The following SLC15A5 variants were observed in gnomAD, a reference collection of about 807,000 sequenced individuals.
The protein encoded by SLC15A5 is solute carrier family 15 member 5.
A neutral mutation model predicts 56.1 loss-of-function variants in SLC15A5; 58 were observed. The observed-to-expected ratio is 1.03, with a 90% CI of 0.84 to 1.29. The LOEUF (loss-of-function observed/expected upper bound fraction) is 1.29, where lower values mean the gene tolerates loss of function less well. Ranked by LOEUF, SLC15A5 falls within the 50% of genes most tolerant of loss-of-function variation. SLC15A5 has a pLI of 0.00. For synonymous variants in SLC15A5, 264 were observed against 250.5 expected (o/e 1.05, Z -0.51); for missense variants, 681 against 672.1 (o/e 1.01, Z -0.15).
rs1047355266 is a variant in SLC15A5 at position 16,235,238 on chromosome 12, T to C, written c.1162+4443A>G. Among the ~76,000 whole-genome samples the C allele has an allele frequency of 6.8e-6, 1 of 146,532 alleles. No individual in the cohort carries two copies. Among genetic ancestry groups the C allele is most frequent in the African/African-American group, 2.5e-5 (1 of 40,108 alleles). On this transcript the variant is annotated intron_variant, in intron 5 of 8. Coordinates refer to ENST00000344941, the MANE Select transcript of SLC15A5 (RefSeq NM_001170798.1). This position sits in a 1 kb window ranked among gnomAD's most constrained non-coding sequence, Gnocchi z 4.1. ...TACATAATATATACAAAACACGACA[T>C]GTTATAAGTATATATGTGTATATAT...
chr12:16,233,557 A>G (rs932703041), intron 5 of SLC15A5, among the ~76,000 whole-genome samples: 1 of 152,220 alleles, frequency 6.6e-6, no homozygotes, highest in African/African-American at 2.4e-5. Context: ...CATGAGCTGT[A>G]GTGATTGGCT....
intron 3 of SLC15A5, among the ~76,000 whole-genome samples, chr12:16,253,951 T>C (rs964308081): frequency 6.6e-6 from 1 of 152,076 alleles, no homozygotes; most frequent in African/African-American, 2.4e-5. Flanking sequence ...CCATAAGAAT[T>C]CAAAGTGAGA....
rs996654170 is a variant in SLC15A5, at chr12:16,196,395, T to C, written c.1484-1942A>G. On this transcript the variant is annotated intron_variant, in intron 7 of 8. Coordinates refer to ENST00000344941, the MANE Select transcript of SLC15A5 (RefSeq NM_001170798.1). The surrounding 1 kb of genome is among the most constrained non-coding windows in gnomAD (Gnocchi z 4.0). The stretch of plus-strand genomic sequence containing the variant: ...ATGTGTGCTTTTGTGTGTGTGCATG[T>C]GTGTGTGTGTGCCCGTGCATGTGTG... 2.0e-5 allele frequency among the ~76,000 whole-genome samples: 3 copies of C among 151,840 alleles called. No individual in the cohort carries two copies. The highest frequency in any genetic ancestry group is 7.3e-5 in the African/African-American group (3 of 41,350).
intron 7 of SLC15A5, among the ~76,000 whole-genome samples, chr12:16,213,026 CAG>C (rs76765674): frequency 0.025 from 3,709 of 151,304 alleles, 64 homozygotes; most frequent in Admixed American, 0.035. Context: ...TGTTGGCATT[CAG>C]AGAGAGAGAG....
intron 5 of SLC15A5, among the ~76,000 whole-genome samples, chr12:16,231,954 C>G (rs759410396): frequency 6.6e-6 from 1 of 152,220 alleles, no homozygotes; most frequent in Non-Finnish European, 1.5e-5. Context: ...AATAATATGA[C>G]TGGTTCCCTT....
At chr12:16,256,566 TA>T (rs1210132853) in intron 3 of SLC15A5, among the ~76,000 whole-genome samples, 1 of 152,144 alleles carries the variant, frequency 6.6e-6, no homozygotes, top group Non-Finnish European at 1.5e-5. Flanking sequence ...TTTTAAAAAA[TA>T]ATAAATTAGG....
intron 7 of SLC15A5, among the ~76,000 whole-genome samples, chr12:16,197,759 T>A (rs1863908974): frequency 6.6e-6 from 1 of 152,080 alleles, no homozygotes; most frequent in South Asian, 2.1e-4. Flanking sequence ...TGCCTTTTTT[T>A]TTTTTTTATC....
intron 8 of SLC15A5, among the ~76,000 whole-genome samples, chr12:16,191,526 T>G (rs1311848908): frequency 2.0e-5 from 3 of 152,242 alleles, no homozygotes; most frequent in Non-Finnish European, 2.9e-5. Context: ...GCATATGTGC[T>G]GAGATTAAAT....
chr12:16,206,932 T>C (rs1312281715), intron 7 of SLC15A5, among the ~76,000 whole-genome samples: 3 of 152,144 alleles, frequency 2.0e-5, no homozygotes, highest in African/African-American at 4.8e-5. Flanking sequence ...TTGAAGAGCA[T>C]TGGGAAGTAA....
intron 8 of SLC15A5, among the ~76,000 whole-genome samples, chr12:16,192,430 G>A (rs1863846185): frequency 6.6e-6 from 1 of 151,926 alleles, no homozygotes; most frequent in South Asian, 2.1e-4. Flanking sequence ...TCTCTGGTGT[G>A]TTGTATATTT....
chr12:16,264,382 C>G (rs936550274), intron 2 of SLC15A5, among the ~76,000 whole-genome samples: 18 of 152,176 alleles, frequency 1.2e-4, no homozygotes, highest in African/African-American at 4.1e-4. Context: ...ACCTGTACCC[C>G]CATTATATCT....
In SLC15A5 at chr12:16,194,377, C is replaced by G. The variant is rs1291673097; in HGVS notation, c.1560G>C (p.Leu520Phe). The G allele has an allele frequency of 1.2e-5, 19 of 1,535,114 alleles. No individual in the cohort carries two copies. The highest frequency in any genetic ancestry group is 1.7e-5 in the Non-Finnish European group (19 of 1,145,386). The change falls in exon 8 of 9, where the codon TTG (leucine) becomes TTC (phenylalanine). Residue 520 changes from leucine (L) to phenylalanine (F), a missense_variant. Transcript: ENST00000344941. ...FFFFLASLTLLNVLGFCSVSQ... is the reference protein window; with the variant it reads ...FFFFLASLTLFNVLGFCSVSQ... ...AAACACTGCAGAATCCCAGGACGTTCAACAATGTTAATGATGCCAGGAAGA... is the reference window on the plus strand; with the variant it reads ...AAACACTGCAGAATCCCAGGACGTTGAACAATGTTAATGATGCCAGGAAGA...
In SLC15A5 at chr12:16,196,388, G is replaced by T. The variant is rs1012329949; in HGVS notation, c.1484-1935C>A. On this transcript the variant is annotated intron_variant, in intron 7 of 8. Transcript: ENST00000344941. The surrounding 1 kb of genome is among the most constrained non-coding windows in gnomAD (Gnocchi z 4.0). ...TGTGTATATGTGTGCTTTTGTGTGT[G>T]TGCATGTGTGTGTGTGTGCCCGTGC... Among the ~76,000 whole-genome samples, 4 of 152,056 alleles carry T rather than the reference G, an allele frequency of 2.6e-5. No homozygotes were observed. Among genetic ancestry groups the T allele is most frequent in the Non-Finnish European group, 5.9e-5 (4 of 68,002 alleles).
intron 5 of SLC15A5, among the ~76,000 whole-genome samples, chr12:16,224,868 T>C (rs769510224): frequency 6.3e-5 from 9 of 143,228 alleles, no homozygotes; most frequent in Non-Finnish European, 1.2e-4. Context: ...CTAATGCTAT[T>C]CCTCCCCCCT....
In SLC15A5 at chr12:16,194,369, A is replaced by C. The variant is rs1349895769; in HGVS notation, c.1568T>G (p.Leu523Arg). Residue 523 changes from leucine (L) to arginine (R), a missense_variant, in exon 8 of 9, where the codon CTG (leucine) becomes CGG (arginine). Leu to Arg is a moderately radical substitution (Grantham distance 102). Coordinates refer to ENST00000344941, the MANE Select transcript of SLC15A5 (RefSeq NM_001170798.1). ...CCTTTGTGAAACACTGCAGAATCCC[A>C]GGACGTTCAACAATGTTAATGATGC... ...FLASLTLLNVLGFCSVSQRYC... is the reference protein window; with the variant it reads ...FLASLTLLNVRGFCSVSQRYC... The C allele has an allele frequency of 1.3e-6, 2 of 1,534,416 alleles. No individual in the cohort carries two copies. The highest frequency in any genetic ancestry group is 3.9e-5 in the Admixed American group (2 of 50,894).
At chr12:16,216,858 C>T (rs75832139) in intron 7 of SLC15A5, 35 bp downstream of exon 7, 60,776 of 1,510,758 alleles carry the variant, frequency 0.04, 1,426 homozygotes, top group African/African-American at 0.069. Context: ...GTCATCAACT[C>T]AATGTATATA....
In SLC15A5 at chr12:16,244,598, G is replaced by A. The variant is rs774155097; in HGVS notation, c.957C>T (p.Tyr319=). 9 of 1,537,742 alleles carry A rather than the reference G, an allele frequency of 5.9e-6. No homozygotes were observed. The highest frequency in any genetic ancestry group is 5.2e-6 in the Non-Finnish European group (6 of 1,147,020). The change falls in exon 4 of 9, where the codon TAC becomes TAT. Residue 319 remains tyrosine, a synonymous_variant. Coordinates refer to ENST00000344941, the MANE Select transcript of SLC15A5 (RefSeq NM_001170798.1). ...LLPLFIFQLL[Y]RMCIMQIPSG... ...TCCTTACCTGCATAATGCACATTCTGTATAGGAGCTGAAAAATGAAGAGAG... is the reference window on the plus strand; with the variant it reads ...TCCTTACCTGCATAATGCACATTCTATATAGGAGCTGAAAAATGAAGAGAG...
chr12:16,235,089 A>T lies in SLC15A5; in HGVS notation c.1162+4592T>A, dbSNP rs77553870. ...CAGTGTTCATGAACTACTCTCATAA[A>T]GACAGCTATAATTTTATTGTCTTAT... On this transcript the variant is annotated intron_variant, in intron 5 of 8. Coordinates refer to ENST00000344941, the MANE Select transcript of SLC15A5 (RefSeq NM_001170798.1). This position sits in a 1 kb window ranked among gnomAD's most constrained non-coding sequence, Gnocchi z 4.1. Among the ~76,000 whole-genome samples the T allele has an allele frequency of 0.17, 26,025 of 151,780 alleles. 2,464 individuals carry two copies. The highest frequency in any genetic ancestry group is 0.22 in the Middle Eastern group (64 of 294).
chr12:16,217,222 A>G (rs1427234077), intron 6 of SLC15A5, among the ~76,000 whole-genome samples, 198 bp from the exon 7 acceptor site: 1 of 152,178 alleles, frequency 6.6e-6, no homozygotes, highest in Admixed American at 6.5e-5. Context: ...AAAATATGAC[A>G]AAAATATACC....
Sources: gnomAD v4.1 joint callset for allele counts (sites outside exome capture counted in the v4.1 genomes callset) on GRCh38, gnomAD v4.1.1 for gene constraint, Gnocchi (gnomAD v3.1) non-coding constraint, MANE v1.5 for transcripts, NCBI Gene and HGNC (gene_info 2026-07-23, HGNC 2026-07-21) for gene names.